Variants in RFLNA observed in about 807,000 individuals in gnomAD.
RFLNA encodes the protein refilin-A.
RFLNA carries 5 observed loss-of-function variants against 7.8 expected under a neutral mutation model. The ratio of observed to expected loss-of-function variants is 0.64; its 90% confidence interval spans 0.34 to 1.35. The LOEUF (loss-of-function observed/expected upper bound fraction) is 1.35, where lower values mean the gene tolerates loss of function less well. Among genes scored for constraint, RFLNA ranks in the 40% most tolerant of loss-of-function variants. The pLI, the probability that RFLNA is intolerant of heterozygous loss-of-function variation, is 0.04. For synonymous variants in RFLNA, 141 were observed against 131.3 expected, an observed-to-expected ratio of 1.07 and a Z score of -0.50; for missense variants, 278 against 305.5, an observed-to-expected ratio of 0.91 and a Z score of 0.67.
upstream of RFLNA, among the ~76,000 whole-genome samples, chr12:124,294,981 G>A (rs986460333): frequency 1.3e-5 from 2 of 152,144 alleles, no homozygotes; most frequent in Non-Finnish European, 2.9e-5. Context: ...GGAGCGGGAG[G>A]GCCTCGGCGG....
chr12:124,295,982 G>C (rs527820913), intron 1 of RFLNA, among the ~76,000 whole-genome samples: 1 of 151,750 alleles, frequency 6.6e-6, no homozygotes, highest in African/African-American at 2.4e-5. Flanking sequence ...CTTGCGCCCA[G>C]AGGCCCAGCA....
intron 1 of RFLNA, among the ~76,000 whole-genome samples, chr12:124,303,757 A>G (rs997225841): frequency 4.6e-5 from 7 of 152,082 alleles, no homozygotes; most frequent in African/African-American, 1.7e-4. Flanking sequence ...GAGCAAACCG[A>G]GGGCAGACGA....
At chr12:124,290,465 T>C (rs1174047342), upstream of RFLNA, among the ~76,000 whole-genome samples, 1 of 152,040 alleles carries the variant, frequency 6.6e-6, no homozygotes, top group African/African-American at 2.4e-5. The surrounding 1 kb of genome is among the most constrained non-coding windows in gnomAD (Gnocchi z 4.0). Flanking sequence ...TGTATTTGTG[T>C]TATGTGTGTG....
chr12:124,290,168 C>T (rs1340131021), upstream of RFLNA, among the ~76,000 whole-genome samples: 5 of 152,158 alleles, frequency 3.3e-5, no homozygotes, highest in Admixed American at 1.3e-4. The surrounding 1 kb of genome is among the most constrained non-coding windows in gnomAD (Gnocchi z 4.0). Flanking sequence ...TCGCTGACAC[C>T]GCAGTTCTCT....
chr12:124,294,070 G>A (rs1714617681), upstream of RFLNA, among the ~76,000 whole-genome samples: 1 of 152,186 alleles, frequency 6.6e-6, no homozygotes, highest in African/African-American at 2.4e-5. Context: ...ACGCCTGCCC[G>A]TTCTGAGGTC....
At chr12:124,300,769 TGGATTGAC>T (rs1293945508) in intron 1 of RFLNA, among the ~76,000 whole-genome samples, 12,471 of 112,218 alleles carry the variant, frequency 0.11, 562 homozygotes, top group East Asian at 0.21. Context: ...GATGGATGGA[TGGATTGAC>T]GGATGGATGG....
At chr12:124,307,717 G>T (rs934712369) in intron 1 of RFLNA, among the ~76,000 whole-genome samples, 10 of 152,188 alleles carry the variant, frequency 6.6e-5, no homozygotes, top group Admixed American at 5.2e-4. Context: ...CTTTTAGCAT[G>T]TGGTTCTCTT....
In RFLNA at chr12:124,306,092, C is replaced by G. The variant is rs1182625264; in HGVS notation, c.208-5726C>G. On this transcript the variant is annotated intron_variant, in intron 1 of 2. Coordinates refer to ENST00000546355, the MANE Select transcript of RFLNA (RefSeq NM_001365156.1). The surrounding 1 kb of genome is among the most constrained non-coding windows in gnomAD (Gnocchi z 5.2). ...ACTTGAGGACAGGTATGGGCCCATA[C>G]TCGGGGCTCTCTGGGTTGGGGCAGG... 6.6e-6 allele frequency among the ~76,000 whole-genome samples: 1 copy of G among 152,120 alleles called. No individual in the cohort carries two copies. Among genetic ancestry groups the G allele is most frequent in the African/African-American group, 2.4e-5 (1 of 41,430 alleles).
chr12:124,310,573 A>G (rs78381890), intron 1 of RFLNA, among the ~76,000 whole-genome samples: 16,255 of 113,434 alleles, frequency 0.14, 1,083 homozygotes, highest in African/African-American at 0.21. Context: ...TCTGTTGAGG[A>G]GCAGGATGGG....
At chr12:124,300,387 C>T (rs971122142) in intron 1 of RFLNA, among the ~76,000 whole-genome samples, 13 of 152,216 alleles carry the variant, frequency 8.5e-5, no homozygotes, top group Admixed American at 2.6e-4. Context: ...CCTAAGAACT[C>T]CCCTGGGGGC....
chr12:124,304,902 G>A (rs2034111748), intron 1 of RFLNA, among the ~76,000 whole-genome samples: 1 of 152,192 alleles, frequency 6.6e-6, no homozygotes, highest in Non-Finnish European at 1.5e-5. Context: ...CACTCCCACA[G>A]GGCCCAGCAC....
chr12:124,311,961 GGGGTGGGGGGTT>G, intron 2 of RFLNA, 34 bp downstream of exon 2: 1 of 1,515,208 alleles, frequency 6.6e-7, no homozygotes, highest in African/African-American at 1.4e-5. Context: ...GCGGGAGGAG[GGGGTGGGGGGTT>G]GGGTGCTGGT....
At position 124,301,220 on chromosome 12, in the gene RFLNA, G is replaced by A. The variant is rs1181569731; in HGVS notation, c.207+5584G>A. On this transcript the variant is annotated intron_variant, in intron 1 of 2. Coordinates refer to ENST00000546355, the MANE Select transcript of RFLNA (RefSeq NM_001365156.1). Reference sequence around the variant, plus strand: ...AAGCCCTGCGCCTCCTTCCAGCCGCGTCTGCTCGATCCCGGGTGAACTGGC... The same window carrying A: ...AAGCCCTGCGCCTCCTTCCAGCCGCATCTGCTCGATCCCGGGTGAACTGGC... Among the ~76,000 whole-genome samples, 8 of 152,304 alleles carry A rather than the reference G, an allele frequency of 5.3e-5. No homozygotes were observed. In the East Asian group the frequency reaches 1.3e-3, roughly 26 times the overall value.
At position 124,295,192 on chromosome 12, in the gene RFLNA, G is replaced by C. The variant is rs1380823234; in HGVS notation, c.-238G>C. ...GCTGGGCCCGGCGGGCGGGAGCCGCGGAGGGCGGAGGGCGGAGGGCGGCGG... is the reference window on the plus strand; with the variant it reads ...GCTGGGCCCGGCGGGCGGGAGCCGCCGAGGGCGGAGGGCGGAGGGCGGCGG... On this transcript the variant is annotated 5_prime_UTR_variant, in exon 1 of 3. Coordinates refer to ENST00000546355, the MANE Select transcript of RFLNA (RefSeq NM_001365156.1). 1.3e-5 allele frequency: 2 copies of C among 148,768 alleles called. No homozygotes were observed. The highest frequency in any genetic ancestry group is 4.9e-5 in the African/African-American group (2 of 41,000). The allele number at this position is 148,768 out of a possible 1,614,324, so 9.2% of individuals were successfully genotyped here. A position where few individuals can be genotyped will look rare whatever the true frequency, so the allele number is the denominator to read the frequency against.
In RFLNA at chr12:124,295,561, G is replaced by C; in HGVS notation, c.132G>C (p.Ala44=). The C allele has an allele frequency of 4.1e-6, 5 of 1,216,442 alleles. No individual in the cohort carries two copies. The highest frequency in any genetic ancestry group is 5.1e-6 in the Non-Finnish European group (5 of 980,846). The allele number at this position is 1,216,442 out of a possible 1,614,324, so 75.4% of individuals were successfully genotyped here. A position where few individuals can be genotyped will look rare whatever the true frequency, so the allele number is the denominator to read the frequency against. Residue 44 remains alanine (A), a synonymous_variant, in exon 1 of 3, where the codon GCG becomes GCC. Transcript: ENST00000546355. ...CCAGCCCGCCCTTCTACTCCCTGGC[G>C]CCCGGCATCCTCGACGCGCGCGCGG... ...PSPSPPFYSL[A]PGILDARAGG... is the part of the protein sequence containing the mutation.
intron 2 of RFLNA, among the ~76,000 whole-genome samples, chr12:124,312,250 G>GA (rs908348330): frequency 1.3e-5 from 2 of 151,326 alleles, no homozygotes; most frequent in Non-Finnish European, 2.9e-5. Flanking sequence ...CAACCTCTCA[G>GA]AAAAAATGGA....
intron 1 of RFLNA, among the ~76,000 whole-genome samples, chr12:124,304,439 G>A (rs1284818283): frequency 1.3e-5 from 2 of 152,188 alleles, no homozygotes; most frequent in African/African-American, 2.4e-5. Context: ...CTGGCTTCCC[G>A]GGCCAGCCTG....
rs2033781507 is a variant in RFLNA, at chr12:124,289,285, T to C, written c.-122T>C. On this transcript the variant is annotated 5_prime_UTR_variant, in exon 1 of 3. Coordinates refer to the RFLNA transcript ENST00000324038. The surrounding 1 kb of genome is among the most constrained non-coding windows in gnomAD (Gnocchi z 5.0). ...AGAAAAGGCCTTTTCAGCTAAAAGC[T>C]CCTTACAGCCGGAAGGTGTGAAGCG... 6.6e-6 allele frequency: 1 copy of C among 152,128 alleles called. No homozygotes were observed. The highest frequency in any genetic ancestry group is 2.4e-5 in the African/African-American group (1 of 41,430). The allele number at this position is 152,128 out of a possible 1,614,324, so 9.4% of individuals were successfully genotyped here.
At chr12:124,312,737 G>A (rs530106585) in intron 2 of RFLNA, among the ~76,000 whole-genome samples, 12 of 152,180 alleles carry the variant, frequency 7.9e-5, no homozygotes, top group Non-Finnish European at 1.6e-4. Flanking sequence ...TGTAACTTAG[G>A]TTCTTGAGGC....
Sources: gnomAD v4.1 joint callset for allele counts (sites outside exome capture counted in the v4.1 genomes callset) on GRCh38, gnomAD v4.1.1 for gene constraint, Gnocchi (gnomAD v3.1) non-coding constraint, MANE v1.5 for transcripts, NCBI Gene and HGNC (gene_info 2026-07-23, HGNC 2026-07-21) for gene names.